Variants in THADA observed in about 807,000 individuals in gnomAD.
The protein encoded by THADA is THADA armadillo repeat containing, also known as tRNA (32-2'-O)-methyltransferase regulator THADA.
THADA carries 213 observed loss-of-function variants against 219.8 expected under a neutral mutation model. That is an observed-to-expected ratio of 0.97 (90% confidence interval 0.87 to 1.09). THADA has a LOEUF of 1.09. Among genes scored for constraint, THADA ranks in the 50% least tolerant of loss-of-function variants. The pLI is 0.00. For missense variants in THADA, 2,956 were observed against 2,311.3 expected, an observed-to-expected ratio of 1.28 and a Z score of -5.72; for synonymous variants, 1,018 against 828.9, an observed-to-expected ratio of 1.23 and a Z score of -3.92.
chr2:43,377,647 A>C (rs1573353121), intron 29 of THADA, among the ~76,000 whole-genome samples: 1 of 152,252 alleles, frequency 6.6e-6, no homozygotes, highest in Middle Eastern at 3.4e-3. Context: ...AGAGGTGAAA[A>C]ATTTGTTCCT....
At position 43,570,267 on chromosome 2, in the gene THADA, G is replaced by A. The variant is rs1466796030; in HGVS notation, c.2187+121C>T. On this transcript the variant is annotated intron_variant, in intron 14 of 37. Coordinates refer to ENST00000405975, the MANE Select transcript of THADA (RefSeq NM_022065.5). ...ACCAGAAATAGGTAATACTCAGCTTGAAGGAAAAAAACACAGAAACACAAT... is the reference window on the plus strand; with the variant it reads ...ACCAGAAATAGGTAATACTCAGCTTAAAGGAAAAAAACACAGAAACACAAT... The A allele has an allele frequency of 5.9e-6, 6 of 1,024,726 alleles. No homozygotes were observed. In the East Asian group the frequency reaches 1.6e-4, roughly 28 times the overall value. The allele number at this position is 1,024,726 out of a possible 1,614,324, so 63.5% of individuals were successfully genotyped here.
intron 22 of THADA, among the ~76,000 whole-genome samples, chr2:43,513,219 T>C (rs1328926411): frequency 1.3e-5 from 2 of 152,206 alleles, no homozygotes; most frequent in African/African-American, 2.4e-5. Flanking sequence ...AAAGCAAGTA[T>C]TAAAAGTTTC....
At chr2:43,361,622 A>T (rs902977008) in intron 29 of THADA, among the ~76,000 whole-genome samples, 1 of 152,202 alleles carries the variant, frequency 6.6e-6, no homozygotes, top group Admixed American at 6.5e-5. Flanking sequence ...TGCCTTTGGC[A>T]GTATCGTTCC....
intron 7 of THADA, among the ~76,000 whole-genome samples, chr2:43,584,182 A>G (rs1700768417): frequency 6.6e-6 from 1 of 152,172 alleles, no homozygotes; most frequent in Admixed American, 6.6e-5. Flanking sequence ...GGGCTACAGG[A>G]AAAGACTTTT....
At chr2:43,274,252 AC>A (rs1326249928) in intron 36 of THADA, among the ~76,000 whole-genome samples, 2 of 152,190 alleles carry the variant, frequency 1.3e-5, no homozygotes, top group African/African-American at 4.8e-5. Flanking sequence ...AACTCAGCCT[AC>A]CAGACCCGGA....
At chr2:43,239,316 C>T (rs1668379327) in intron 36 of THADA, among the ~76,000 whole-genome samples, 1 of 152,222 alleles carries the variant, frequency 6.6e-6, no homozygotes, top group African/African-American at 2.4e-5. Flanking sequence ...TGTGCTGATA[C>T]TCCCTGGTGC....
Position 43,572,996 on chromosome 2 carries a change from A to G in THADA, c.1730-4T>C, listed in dbSNP as rs1699468338. The G allele has an allele frequency of 6.2e-7, 1 of 1,612,142 alleles. No individual in the cohort carries two copies. The highest frequency in any genetic ancestry group is 1.7e-5 in the Admixed American group (1 of 59,552). The stretch of plus-strand genomic sequence containing the variant: ...GATGGGAAAGATTGCTCTTGTCCTG[A>G]AAGCACAATAACAAAGACCATTACT... On this transcript the variant is annotated splice_polypyrimidine_tract_variant and splice_region_variant and intron_variant, in intron 11 of 37. Transcript: ENST00000405975.
intron 29 of THADA, among the ~76,000 whole-genome samples, chr2:43,384,446 C>T (rs150302231): frequency 6.6e-6 from 1 of 152,284 alleles, no homozygotes; most frequent in East Asian, 1.9e-4. Flanking sequence ...ATTGTAATTA[C>T]ATTTCTAATT....
intron 23 of THADA, among the ~76,000 whole-genome samples, 167 bp from the exon 24 acceptor site, chr2:43,505,902 G>A (rs972911482): frequency 1.3e-5 from 2 of 152,216 alleles, no homozygotes; most frequent in African/African-American, 2.4e-5. Flanking sequence ...TAACCTCACA[G>A]TTGAACCTAC....
chr2:43,271,422 C>T (rs1331323556), intron 36 of THADA, among the ~76,000 whole-genome samples: 2 of 152,104 alleles, frequency 1.3e-5, no homozygotes, highest in African/African-American at 4.8e-5. Context: ...AAAATCCAAA[C>T]AGCTCCCCCA....
chr2:43,340,874 G>A (rs2104527214), intron 30 of THADA, among the ~76,000 whole-genome samples: 1 of 152,232 alleles, frequency 6.6e-6, no homozygotes, highest in Non-Finnish European at 1.5e-5. Context: ...GTCTGAGCAT[G>A]GAGTTAACTA....
intron 17 of THADA, among the ~76,000 whole-genome samples, chr2:43,552,817 A>G (rs1696900878): frequency 6.6e-6 from 1 of 152,130 alleles, no homozygotes; most frequent in South Asian, 2.1e-4. Flanking sequence ...AACGAAAAAA[A>G]AAAAAGAAAA....
At chr2:43,253,810 C>G (rs921501822) in intron 36 of THADA, among the ~76,000 whole-genome samples, 1 of 152,088 alleles carries the variant, frequency 6.6e-6, no homozygotes, top group African/African-American at 2.4e-5. Context: ...TAATGTGTAG[C>G]TCTGATCACG....
At chr2:43,550,551 A>C (rs867630175) in intron 19 of THADA, among the ~76,000 whole-genome samples, 4 of 152,316 alleles carry the variant, frequency 2.6e-5, no homozygotes, top group South Asian at 2.1e-4. Context: ...CACAGGGAAG[A>C]AGCAGCAAAA....
Position 43,284,424 on chromosome 2 carries a change from C to G in THADA, c.5164+2484G>C, listed in dbSNP as rs146650219. ...GGCCAAGGTACAGCTCGGGCCATTGCTTCAGAGGGTGCAAGCCCCAAGCCT... is the reference window on the plus strand; with the variant it reads ...GGCCAAGGTACAGCTCGGGCCATTGGTTCAGAGGGTGCAAGCCCCAAGCCT... On this transcript the variant is annotated intron_variant, in intron 35 of 37. Transcript: ENST00000405975. Among the ~76,000 whole-genome samples the G allele has an allele frequency of 4.5e-3, 692 of 152,304 alleles. 9 individuals carry two copies. The highest frequency in any genetic ancestry group is 0.016 in the African/African-American group (648 of 41,576).
At chr2:43,471,802 T>C (rs1295732443) in intron 26 of THADA, among the ~76,000 whole-genome samples, 1 of 152,246 alleles carries the variant, frequency 6.6e-6, no homozygotes, top group Non-Finnish European at 1.5e-5. Flanking sequence ...AAGACTTACC[T>C]GTTCTGTAAT....
At chr2:43,339,443 T>G (rs1337779799) in intron 30 of THADA, among the ~76,000 whole-genome samples, 1 of 152,154 alleles carries the variant, frequency 6.6e-6, no homozygotes, top group Non-Finnish European at 1.5e-5. Flanking sequence ...ACCACTCAGC[T>G]AATTTTTTGT....
intron 17 of THADA, 94 bp downstream of exon 17, chr2:43,556,251 A>G (rs901671333): frequency 6.6e-7 from 1 of 1,526,000 alleles, no homozygotes; most frequent in African/African-American, 1.4e-5. Context: ...TAAATAAAAA[A>G]CCACAAAATA....
chr2:43,295,334 C>A lies in THADA; in HGVS notation c.4439-2121G>T, dbSNP rs369304360. ...TGGAGGCCTTTGGTGAGCAGGCTCC[C>A]TGCTGGCCCTTGCCTCAAACGCTCT... On this transcript the variant is annotated intron_variant, in intron 31 of 37. Transcript: ENST00000405975. Among the ~76,000 whole-genome samples the A allele has an allele frequency of 1.8e-4, 28 of 152,354 alleles. No homozygotes were observed. In the East Asian group the frequency reaches 3.1e-3, roughly 17 times the overall value.
Sources: gnomAD v4.1 joint callset for allele counts (sites outside exome capture counted in the v4.1 genomes callset) on GRCh38, gnomAD v4.1.1 for gene constraint, MANE v1.5 for transcripts, NCBI Gene and HGNC (gene_info 2026-07-23, HGNC 2026-07-21) for gene names.